Variants in KCNH1 observed in about 807,000 individuals in gnomAD.
KCNH1 encodes the protein voltage-gated delayed rectifier potassium channel KCNH1.
In KCNH1, 27 loss-of-function variants were observed where a neutral mutation model predicts 69.2. The observed-to-expected ratio is 0.39, with a 90% confidence interval of 0.29 to 0.54. The LOEUF (loss-of-function observed/expected upper bound fraction) is 0.54, where lower values mean the gene tolerates loss of function less well. Among genes scored for constraint, KCNH1 ranks in the 20% least tolerant of loss-of-function variants. The probability of loss-of-function intolerance (pLI) is 0.68; values close to 1 mark genes in which losing one functional copy is unlikely to be tolerated. For synonymous variants in KCNH1, 456 were observed against 487.7 expected, an observed-to-expected ratio of 0.93 and a Z score of 0.86; for missense variants, 798 against 1,261.6, an observed-to-expected ratio of 0.63 and a Z score of 5.57.
intron 6 of KCNH1, among the ~76,000 whole-genome samples, chr1:210,932,785 A>G (rs186663546): frequency 5.3e-4 from 80 of 152,328 alleles, no homozygotes; most frequent in African/African-American, 1.8e-3. Flanking sequence ...TAATGAGCAA[A>G]GAATCAATTT....
intron 8 of KCNH1, 147 bp from the exon 9 acceptor site, chr1:210,797,907 CT>C (rs1165981473): frequency 1.1e-6 from 1 of 877,448 alleles, no homozygotes. Flanking sequence ...AGCTTATATT[CT>C]TATAGATGAG....
chr1:211,082,285 C>T (rs1690872137), intron 5 of KCNH1, among the ~76,000 whole-genome samples: 1 of 152,144 alleles, frequency 6.6e-6, no homozygotes, highest in African/African-American at 2.4e-5. Context: ...TAAACATTAA[C>T]ATTTGAAAAA....
At chr1:211,017,920 T>G (rs913432548) in intron 6 of KCNH1, among the ~76,000 whole-genome samples, 2 of 152,128 alleles carry the variant, frequency 1.3e-5, no homozygotes, top group African/African-American at 4.8e-5. Flanking sequence ...GTTTGGGTCA[T>G]GGGGGGTGGA....
intron 5 of KCNH1, among the ~76,000 whole-genome samples, chr1:211,064,206 A>T (rs552459817): frequency 6.3e-4 from 96 of 152,320 alleles, no homozygotes; most frequent in Middle Eastern, 6.8e-3. Flanking sequence ...ATTAAAAAGA[A>T]TGAAGGAGAC....
chr1:210,862,232 GGGCTGGGTCCATGGT>G, intron 7 of KCNH1: 1 of 1,149,688 alleles, frequency 8.7e-7, no homozygotes, highest in East Asian at 2.4e-5. Flanking sequence ...GCCTCTTGCA[GGGCTGGGTCCATGGT>G]GCCCCGCAGG....
Position 211,134,135 on chromosome 1 carries a change from C to G in KCNH1, c.-190G>C, listed in dbSNP as rs1691932371. The G allele has an allele frequency of 2.1e-6, 1 of 480,526 alleles. No homozygotes were observed. Among genetic ancestry groups the G allele is most frequent in the Non-Finnish European group, 3.7e-6 (1 of 273,686 alleles). 29.8% of individuals were successfully genotyped at this position (480,526 alleles called of 1,614,324 possible). On this transcript the variant is annotated 5_prime_UTR_variant, in exon 1 of 11. Coordinates refer to ENST00000271751, the MANE Select transcript of KCNH1 (RefSeq NM_172362.3). This position sits in a 1 kb window ranked among gnomAD's most constrained non-coding sequence, Gnocchi z 5.7. ...CTCTTCGCGCCTCCCTCCCTGCGGC[C>G]CGCCTCGCAGTGCACTCGCGCCGGC...
chr1:210,715,878 G>GA (rs1682221525), intron 10 of KCNH1, among the ~76,000 whole-genome samples: 1 of 152,148 alleles, frequency 6.6e-6, no homozygotes, highest in Non-Finnish European at 1.5e-5. Flanking sequence ...AGGGCTCTGA[G>GA]ATCAGGGCAA....
At chr1:210,905,550 A>G (rs573754340) in intron 7 of KCNH1, among the ~76,000 whole-genome samples, 2 of 152,268 alleles carry the variant, frequency 1.3e-5, no homozygotes, top group Admixed American at 1.3e-4. Context: ...CCTGACATGT[A>G]GCCCTGAGTC....
chr1:211,049,742 C>T (rs1690160525), intron 5 of KCNH1, among the ~76,000 whole-genome samples: 2 of 152,118 alleles, frequency 1.3e-5, no homozygotes, highest in Non-Finnish European at 2.9e-5. Flanking sequence ...AAGACACAGG[C>T]TTGAACTGGG....
intron 6 of KCNH1, among the ~76,000 whole-genome samples, chr1:210,921,987 C>G (rs1024228330): frequency 1.3e-5 from 2 of 152,048 alleles, no homozygotes; most frequent in South Asian, 2.1e-4. Flanking sequence ...ATAAACCATA[C>G]GTAGCATAGC....
chr1:210,773,099 C>T lies in KCNH1; in HGVS notation c.2112+2249G>A, dbSNP rs537142434. 3.8e-4 allele frequency among the ~76,000 whole-genome samples: 58 copies of T among 152,236 alleles called. 1 individual carries two copies. The highest frequency in any genetic ancestry group is 3.1e-3 in the Admixed American group (48 of 15,288). On this transcript the variant is annotated intron_variant, in intron 10 of 10. Transcript: ENST00000271751. ...AACACTGAAAGCTGATTATAATCAA[C>T]TTGCTTTCATAGAAAGAAGGAATAC...
At chr1:211,035,614 C>T (rs191310182) in intron 5 of KCNH1, among the ~76,000 whole-genome samples, 27 of 152,226 alleles carry the variant, frequency 1.8e-4, no homozygotes, top group Admixed American at 5.9e-4. Context: ...ATATAAAAGG[C>T]TATGAGTGAT....
intron 1 of KCNH1, among the ~76,000 whole-genome samples, chr1:211,111,548 C>T (rs1214460036): frequency 1.4e-5 from 2 of 146,322 alleles, no homozygotes; most frequent in Non-Finnish European, 3.0e-5. Context: ...TCTGCCCGGC[C>T]CCCCGCCCCG....
At chr1:210,800,942 T>C (rs1050461923) in intron 8 of KCNH1, among the ~76,000 whole-genome samples, 3 of 152,218 alleles carry the variant, frequency 2.0e-5, no homozygotes, top group African/African-American at 7.2e-5. Context: ...ACTTAGCTCC[T>C]CTCCCCATGT....
intron 7 of KCNH1, among the ~76,000 whole-genome samples, chr1:210,841,554 G>A (rs770327206): frequency 2.0e-5 from 3 of 152,142 alleles, no homozygotes; most frequent in Non-Finnish European, 4.4e-5. Flanking sequence ...TTAAGAAATT[G>A]ACATGTTTCT....
At chr1:211,032,607 A>G (rs1459957649) in intron 5 of KCNH1, among the ~76,000 whole-genome samples, 1 of 152,188 alleles carries the variant, frequency 6.6e-6, no homozygotes, top group Non-Finnish European at 1.5e-5. Flanking sequence ...AAATAATGCC[A>G]CATATCTACA....
intron 10 of KCNH1, among the ~76,000 whole-genome samples, chr1:210,770,726 G>A (rs1683737584): frequency 2.0e-5 from 3 of 152,188 alleles, no homozygotes; most frequent in South Asian, 2.1e-4. Context: ...GTGTATTGGC[G>A]GTGGCAAAGG....
intron 6 of KCNH1, among the ~76,000 whole-genome samples, chr1:210,985,723 C>T (rs903903219): frequency 4.6e-5 from 7 of 151,972 alleles, no homozygotes; most frequent in African/African-American, 1.4e-4. Flanking sequence ...AATTTTGGAA[C>T]AGGTGTGGTG....
chr1:210,837,395 A>C (rs1422646457), intron 7 of KCNH1, among the ~76,000 whole-genome samples: 2 of 152,126 alleles, frequency 1.3e-5, no homozygotes, highest in East Asian at 3.8e-4. Context: ...GAATTCCTTA[A>C]GGGCAGAACG....
Sources: allele counts gnomAD v4.1 joint callset (sites outside exome capture counted in the v4.1 genomes callset), GRCh38; gene constraint gnomAD v4.1.1; non-coding constraint Gnocchi (gnomAD v3.1); transcripts MANE v1.5; gene names NCBI Gene and HGNC (gene_info 2026-07-23, HGNC 2026-07-21).